Variants in SPOCK1 observed in about 807,000 individuals in gnomAD.
SPOCK1 encodes the protein SPARC (osteonectin), cwcv and kazal like domains proteoglycan 1, also known as testican-1.
In SPOCK1, 23 loss-of-function variants were observed where a neutral mutation model predicts 55.3. The observed-to-expected ratio is 0.42, with a 90% CI of 0.30 to 0.59. SPOCK1 has a LOEUF of 0.59. Among genes scored for constraint, SPOCK1 ranks in the 20% least tolerant of loss-of-function variants. The probability of loss-of-function intolerance (pLI) is 0.22; values close to 1 mark genes in which losing one functional copy is unlikely to be tolerated. For missense variants in SPOCK1, 499 were observed against 552.5 expected (o/e 0.90, Z 0.97); for synonymous variants, 226 against 221.0 (o/e 1.02, Z -0.20).
chr5:137,314,744 T>G (rs756366639), intron 2 of SPOCK1, among the ~76,000 whole-genome samples: 1 of 152,150 alleles, frequency 6.6e-6, no homozygotes, highest in Non-Finnish European at 1.5e-5. Context: ...TTAAAGGTTT[T>G]AGAGTGCATG....
intron 6 of SPOCK1, among the ~76,000 whole-genome samples, chr5:137,054,296 T>A (rs1035116830): frequency 3.3e-5 from 5 of 152,216 alleles, no homozygotes; most frequent in Admixed American, 2.0e-4. Context: ...AATTCAACTT[T>A]ACAATTGCCT....
At chr5:137,058,260 GT>G (rs1238032874) in intron 6 of SPOCK1, among the ~76,000 whole-genome samples, 1 of 152,168 alleles carries the variant, frequency 6.6e-6, no homozygotes, top group Non-Finnish European at 1.5e-5. Flanking sequence ...TCCAGAAAAG[GT>G]TTCAGATCCC....
intron 2 of SPOCK1, among the ~76,000 whole-genome samples, chr5:137,286,002 C>A (rs982031374): frequency 1.5e-4 from 23 of 152,306 alleles, no homozygotes; most frequent in African/African-American, 5.3e-4. Context: ...AACTAGCTGG[C>A]CTCAGCTGGA....
rs542248453 is a variant in SPOCK1, at chr5:137,223,275, C to T, written c.232+43735G>A. Among the ~76,000 whole-genome samples, 10 of 149,216 alleles carry T rather than the reference C, an allele frequency of 6.7e-5. No individual in the cohort carries two copies. In the East Asian group the frequency reaches 1.8e-3, roughly 26 times the overall value. On this transcript the variant is annotated intron_variant, in intron 3 of 10. Coordinates refer to ENST00000394945, the MANE Select transcript of SPOCK1 (RefSeq NM_004598.4). ...AATTAAAGGGGTAGCCCCTATAATC[C>T]AAGGCAGCCCTGTACATAATGTGCT...
chr5:137,409,174 C>T (rs566748669), intron 2 of SPOCK1, among the ~76,000 whole-genome samples: 4 of 152,306 alleles, frequency 2.6e-5, no homozygotes, highest in Non-Finnish European at 5.9e-5. Context: ...TCCCCACCTC[C>T]CCATCCTCAA....
At chr5:137,325,108 G>A (rs556165202) in intron 2 of SPOCK1, among the ~76,000 whole-genome samples, 4 of 152,248 alleles carry the variant, frequency 2.6e-5, no homozygotes, top group East Asian at 1.9e-4. Flanking sequence ...CTGTCTTTCC[G>A]AGAGGAAAGG....
chr5:137,122,240 T>TACACACACAC (rs772246376), intron 4 of SPOCK1, among the ~76,000 whole-genome samples: 13 of 132,958 alleles, frequency 9.8e-5, no homozygotes, highest in African/African-American at 3.5e-4. Context: ...AAAGCAGTTA[T>TACACACACAC]ACACACACAC....
intron 2 of SPOCK1, among the ~76,000 whole-genome samples, chr5:137,299,971 A>G (rs904148085): frequency 6.6e-6 from 1 of 152,086 alleles, no homozygotes; most frequent in Non-Finnish European, 1.5e-5. Context: ...TTAGGCCATT[A>G]TTTCTTCAAA....
At chr5:137,261,652 T>C (rs2127112988) in intron 3 of SPOCK1, among the ~76,000 whole-genome samples, 1 of 152,346 alleles carries the variant, frequency 6.6e-6, no homozygotes, top group East Asian at 1.9e-4. Context: ...CTGAGGTTTA[T>C]CTACAGCCAG....
chr5:137,140,747 A>ATTTTTTTTT (rs11309240), intron 3 of SPOCK1, 53 bp from the exon 4 acceptor site: 6 of 352,308 alleles, frequency 1.7e-5, no homozygotes, highest in African/African-American at 3.6e-5. Flanking sequence ...GGGAAATTTA[A>ATTTTTTTTT]TTTTTTTTTT....
At chr5:137,252,045 C>A (rs1034571108) in intron 3 of SPOCK1, among the ~76,000 whole-genome samples, 3 of 152,190 alleles carry the variant, frequency 2.0e-5, no homozygotes, top group African/African-American at 7.2e-5. Context: ...CCTGCCTCAG[C>A]CTCCTGAGTA....
At chr5:137,408,690 G>A (rs946410032) in intron 2 of SPOCK1, among the ~76,000 whole-genome samples, 1 of 152,068 alleles carries the variant, frequency 6.6e-6, no homozygotes, top group African/African-American at 2.4e-5. Context: ...AACTCTTAAG[G>A]CTACCTGCAG....
intron 3 of SPOCK1, among the ~76,000 whole-genome samples, chr5:137,180,234 G>A (rs1441171501): frequency 1.3e-5 from 2 of 152,268 alleles, no homozygotes; most frequent in Middle Eastern, 3.4e-3. Context: ...AGCACTTGTT[G>A]AGCCAAGTGT....
At chr5:137,280,194 T>A (rs1246993900) in intron 2 of SPOCK1, among the ~76,000 whole-genome samples, 1 of 151,906 alleles carries the variant, frequency 6.6e-6, no homozygotes, top group Non-Finnish European at 1.5e-5. Context: ...CAGGGTAAAA[T>A]TATCAGGTAA....
At chr5:137,258,846 C>A (rs946084382) in intron 3 of SPOCK1, among the ~76,000 whole-genome samples, 1 of 152,164 alleles carries the variant, frequency 6.6e-6, no homozygotes, top group Non-Finnish European at 1.5e-5. Flanking sequence ...TCATTCACTA[C>A]GATTCCCTCC....
intron 4 of SPOCK1, among the ~76,000 whole-genome samples, chr5:137,129,941 G>A (rs187755126): frequency 2.6e-5 from 4 of 152,270 alleles, no homozygotes; most frequent in Non-Finnish European, 5.9e-5. Context: ...TTTGGTCCCT[G>A]AGCAAGGAAA....
At chr5:137,071,350 G>C (rs1752612941) in intron 5 of SPOCK1, among the ~76,000 whole-genome samples, 1 of 152,044 alleles carries the variant, frequency 6.6e-6, no homozygotes, top group Non-Finnish European at 1.5e-5. Flanking sequence ...AGATACATGT[G>C]GTAAAAGCTC....
At chr5:137,018,394 A>G (rs1751493161) in intron 6 of SPOCK1, among the ~76,000 whole-genome samples, 1 of 152,234 alleles carries the variant, frequency 6.6e-6, no homozygotes, top group Non-Finnish European at 1.5e-5. Flanking sequence ...TATAATACGT[A>G]TAAATCATTA....
Position 137,498,492 on chromosome 5 carries a change from G to T in SPOCK1, c.67C>A (p.His23Asn), listed in dbSNP as rs758112129. Residue 23 changes from histidine to asparagine, a missense_variant, in exon 2 of 11, where the codon CAC (histidine) becomes AAC (asparagine). Transcript: ENST00000394945. ...GCGCCTCCGGCGAGCGCGTCCAGGT[G>T]CCGGCTCTCGACTTGGAGGAAGCAC... Reference protein sequence around the residue: ...AWCFLQVESRHLDALAGGAGP... With the variant: ...AWCFLQVESRNLDALAGGAGP... 59 of 1,590,170 alleles carry T rather than the reference G, an allele frequency of 3.7e-5. No individual in the cohort carries two copies. Among genetic ancestry groups the T allele is most frequent in the Non-Finnish European group, 4.8e-5 (56 of 1,171,834 alleles).
Sources: allele counts gnomAD v4.1 joint callset (sites outside exome capture counted in the v4.1 genomes callset), GRCh38; gene constraint gnomAD v4.1.1; transcripts MANE v1.5; gene names NCBI Gene and HGNC (gene_info 2026-07-23, HGNC 2026-07-21).